COPS7A: variants seen among roughly 807,000 people sequenced by gnomAD.
COPS7A encodes the protein COP9 signalosome complex subunit 7a.
Under a neutral mutation model 35.2 loss-of-function variants are expected in COPS7A, and 20 were observed. The observed-to-expected ratio is 0.57, with a 90% CI of 0.40 to 0.83. The LOEUF is 0.83. Ranked by LOEUF, COPS7A falls within the 40% of genes least tolerant of loss-of-function variation. The pLI is 0.00. For missense variants in COPS7A, 247 were observed against 347.5 expected, an observed-to-expected ratio of 0.71 and a Z score of 2.30; for synonymous variants, 139 against 141.4, an observed-to-expected ratio of 0.98 and a Z score of 0.12.
At chr12:6,727,846 A>T in intron 2 of COPS7A, 80 bp from the exon 3 acceptor site, 2 of 1,370,924 alleles carry the variant, frequency 1.5e-6, no homozygotes, top group African/African-American at 2.8e-5. Context: ...GGGGCCAAAA[A>T]GTGGAGTTCC....
chr12:6,727,789 G>T (rs1280723058), intron 2 of COPS7A, 137 bp from the exon 3 acceptor site: 1 of 763,700 alleles, frequency 1.3e-6, no homozygotes, highest in East Asian at 2.6e-5. Context: ...GAGAGGCAGA[G>T]AACTCCTTTT....
At chr12:6,728,430 G>A in intron 4 of COPS7A, 119 bp downstream of exon 4, 1 of 696,532 alleles carries the variant, frequency 1.4e-6, no homozygotes, top group Non-Finnish European at 2.4e-6. Flanking sequence ...CTCCTCCAAG[G>A]TCTGTATATA....
intron 2 of COPS7A, among the ~76,000 whole-genome samples, chr12:6,727,386 G>A (rs1382937628): frequency 6.6e-6 from 1 of 151,766 alleles, no homozygotes; most frequent in Non-Finnish European, 1.5e-5. Context: ...ATGATAGGAG[G>A]AGAGGAAATC....
At chr12:6,725,217 C>T (rs1013794906) in intron 2 of COPS7A, among the ~76,000 whole-genome samples, 7 of 148,680 alleles carry the variant, frequency 4.7e-5, no homozygotes, top group East Asian at 2.0e-4. Flanking sequence ...AGTGCAGTGG[C>T]GTGATCTCAG....
In COPS7A at chr12:6,724,765, G is replaced by A. The variant is rs1227080446; in HGVS notation, c.109G>A (p.Ala37Thr). The change falls in exon 2 of 8, where the codon GCC becomes ACC. Residue 37 changes from alanine (A) to threonine (T), a missense_variant. Physicochemically the swap from Ala to Thr is moderately conservative, Grantham distance 58 (BLOSUM62 0). Coordinates refer to ENST00000543155, the MANE Select transcript of COPS7A (RefSeq NM_001164094.2). ...CACACTCATCCATCAGGTGCTGGAG[G>A]CCCCTGGTGTCTACGTGTTTGGAGA... is the stretch of plus-strand genomic sequence containing the variant. The part of the protein sequence containing the change: ...LATLIHQVLE[A>T]PGVYVFGELL... The A allele has an allele frequency of 3.1e-6, 5 of 1,614,182 alleles. No individual in the cohort carries two copies. The Admixed American group carries it at 6.7e-5, about 22-fold the overall frequency.
At chr12:6,725,105 A>ATTCTCAT (rs1941217399) in intron 2 of COPS7A, among the ~76,000 whole-genome samples, 1 of 151,676 alleles carries the variant, frequency 6.6e-6, no homozygotes, top group Non-Finnish European at 1.5e-5. Context: ...GTAGCTGTTA[A>ATTCTCAT]TTCTCATGTC....
At position 6,731,355 on chromosome 12, in the gene COPS7A, C is replaced by G. The variant is rs1352814361; in HGVS notation, c.*316C>G. 3 of 1,395,666 alleles carry G rather than the reference C, an allele frequency of 2.1e-6. No individual in the cohort carries two copies. Among genetic ancestry groups the G allele is most frequent in the African/African-American group, 1.4e-5 (1 of 69,104 alleles). 86.5% of individuals were successfully genotyped at this position (1,395,666 alleles called of 1,614,324 possible). A position where few individuals can be genotyped will look rare whatever the true frequency, so the allele number is the denominator to read the frequency against. On this transcript the variant is annotated 3_prime_UTR_variant, in exon 8 of 8. Coordinates refer to ENST00000543155, the MANE Select transcript of COPS7A (RefSeq NM_001164094.2). ...CATGTCATTGAGTAGGTGGGTAGCC[C>G]TGATGGGGGTCGCTCTGTCTGGAGC...
At chr12:6,727,566 A>G (rs1022052253) in intron 2 of COPS7A, 55 of 432,308 alleles carry the variant, frequency 1.3e-4, no homozygotes, top group African/African-American at 8.1e-4. Flanking sequence ...ACATATTCCA[A>G]TTTAGAAACA....
intron 7 of COPS7A, 49 bp from the exon 8 acceptor site, chr12:6,730,951 T>G (rs752688777): frequency 3.1e-6 from 5 of 1,593,468 alleles, no homozygotes; most frequent in Non-Finnish European, 3.4e-6. Flanking sequence ...GGTTAGGGGA[T>G]TCCCTGCATT....
Position 6,731,411 on chromosome 12 carries a change from A to T in COPS7A, c.*372A>T. 9.9e-7 allele frequency: 1 copy of T among 1,013,004 alleles called. No individual in the cohort carries two copies. Among genetic ancestry groups the T allele is most frequent in the Non-Finnish European group, 1.3e-6 (1 of 760,018 alleles). The allele number at this position is 1,013,004 out of a possible 1,614,324, so 62.8% of individuals were successfully genotyped here. A position where few individuals can be genotyped will look rare whatever the true frequency, so the allele number is the denominator to read the frequency against. The stretch of plus-strand genomic sequence containing the variant: ...CCACAGGCGTTTTTTCTGCCACCCC[A>T]TCCCTGCATGCCTGATCCCCAGTTC... On this transcript the variant is annotated 3_prime_UTR_variant, in exon 8 of 8. Coordinates refer to ENST00000543155, the MANE Select transcript of COPS7A (RefSeq NM_001164094.2).
intron 2 of COPS7A, among the ~76,000 whole-genome samples, chr12:6,726,823 A>G (rs778452450): frequency 1.6e-4 from 24 of 152,200 alleles, no homozygotes; most frequent in Admixed American, 8.5e-4. Context: ...TGGTCTGGGA[A>G]TACAAGAAAA....
At chr12:6,725,646 A>G (rs1941234109) in intron 2 of COPS7A, 1 of 456,068 alleles carries the variant, frequency 2.2e-6, no homozygotes, top group Middle Eastern at 3.3e-4. Context: ...TCTTTTTCCC[A>G]GAGACACATG....
chr12:6,727,832 A>G (rs746695963), intron 2 of COPS7A, 94 bp from the exon 3 acceptor site: 81 of 1,163,186 alleles, frequency 7.0e-5, no homozygotes, highest in Non-Finnish European at 1.0e-4. Flanking sequence ...TGGCCGGGAA[A>G]GATGGGGCCA....
chr12:6,726,419 T>C (rs1000966919), intron 2 of COPS7A, among the ~76,000 whole-genome samples: 1 of 150,630 alleles, frequency 6.6e-6, no homozygotes, highest in African/African-American at 2.4e-5. Flanking sequence ...CTGGCCAAGA[T>C]GGCAAAACCC....
At chr12:6,730,618 T>C (rs942951678) in intron 6 of COPS7A, 51 bp from the exon 7 acceptor site, 4 of 1,610,052 alleles carry the variant, frequency 2.5e-6, no homozygotes, top group East Asian at 2.2e-5. Flanking sequence ...GAGCAGGGGC[T>C]GGAAGGTTCT....
chr12:6,728,164 G>A (rs750965855), intron 3 of COPS7A, 59 bp from the exon 4 acceptor site: 1 of 1,550,362 alleles, frequency 6.5e-7, no homozygotes, highest in Non-Finnish European at 8.9e-7. Flanking sequence ...AGGGAAGGAG[G>A]CTAGGGCTTC....
In COPS7A at chr12:6,729,051, CCTT is replaced by C. The variant is rs1245922817; in HGVS notation, c.328-193_328-191del. ...CATTTTGTATTTTATTTAAGATTGT[CCTT>C]CTAATGATGCTGTTTTTGAAGTGGG... On this transcript the variant is annotated intron_variant, in intron 4 of 7. Transcript: ENST00000543155. This position sits in a 1 kb window ranked among gnomAD's most constrained non-coding sequence, Gnocchi z 4.2. 2 of 593,936 alleles carry C rather than the reference CCTT, an allele frequency of 3.4e-6. No individual in the cohort carries two copies. The highest frequency in any genetic ancestry group is 3.7e-5 in the African/African-American group (2 of 53,678). The allele number at this position is 593,936 out of a possible 1,614,324, so 36.8% of individuals were successfully genotyped here. A position where few individuals can be genotyped will look rare whatever the true frequency, so the allele number is the denominator to read the frequency against.
chr12:6,729,600 G>T lies in COPS7A; in HGVS notation c.530+151G>T. 3 of 821,810 alleles carry T rather than the reference G, an allele frequency of 3.7e-6. No homozygotes were observed. The South Asian group carries it at 5.3e-5, about 15-fold the overall frequency. The allele number at this position is 821,810 out of a possible 1,614,324, so 50.9% of individuals were successfully genotyped here. ...GTTCATCCCTCCAAAGGCTTCTGGG[G>T]AATGCAGGAGTAGGGGAGGCCCTGG... On this transcript the variant is annotated intron_variant, in intron 5 of 7. Transcript: ENST00000543155. This position sits in a 1 kb window ranked among gnomAD's most constrained non-coding sequence, Gnocchi z 4.2.
rs1941334399 is a variant in COPS7A at position 6,729,307 on chromosome 12, G to T, written c.388G>T (p.Asp130Tyr). Residue 130 changes from aspartate to tyrosine, a missense_variant, in exon 5 of 8, where the codon GAC becomes TAC. Transcript: ENST00000543155. This position sits in a 1 kb window ranked among gnomAD's most constrained non-coding sequence, Gnocchi z 4.2. ...CCTGCGTAATGTGCGGCAGCTGGAA[G>T]ACCTTGTGATTGAGGCTGTGTATGC... The part of the protein sequence containing the change: ...LALRNVRQLE[D>Y]LVIEAVYADV... 2 of 1,614,058 alleles carry T rather than the reference G, an allele frequency of 1.2e-6. No individual in the cohort carries two copies. Among genetic ancestry groups the T allele is most frequent in the Non-Finnish European group, 1.7e-6 (2 of 1,180,040 alleles).
Sources: allele counts gnomAD v4.1 joint callset (sites outside exome capture counted in the v4.1 genomes callset), GRCh38; gene constraint gnomAD v4.1.1; non-coding constraint Gnocchi (gnomAD v3.1); transcripts MANE v1.5; gene names NCBI Gene and HGNC (gene_info 2026-07-23, HGNC 2026-07-21).